The following UBE2J2 variants were observed in gnomAD, a reference collection of about 807,000 sequenced individuals.
The protein encoded by UBE2J2 is ubiquitin conjugating enzyme E2 J2.
A neutral mutation model predicts 28.6 loss-of-function variants in UBE2J2; 5 were observed. The observed-to-expected ratio is 0.17, with a 90% CI of 0.09 to 0.37. The LOEUF is 0.37. UBE2J2 is among the 10% of genes least tolerant of loss of function. The pLI is 1.00. For synonymous variants in UBE2J2, 138 were observed against 139.7 expected, an observed-to-expected ratio of 0.99 and a Z score of 0.09; for missense variants, 226 against 338.9, an observed-to-expected ratio of 0.67 and a Z score of 2.62.
At chr1:1,263,198 C>G (rs188541999) in intron 3 of UBE2J2, 148 bp downstream of exon 3, 3 of 729,082 alleles carry the variant, frequency 4.1e-6, no homozygotes, top group African/African-American at 3.5e-5. Context: ...GAGAAGCAGA[C>G]GAGGAGGAGT....
intron 1 of UBE2J2, chr1:1,273,353 G>A (rs1640261812): frequency 6.6e-6 from 1 of 152,236 alleles, no homozygotes; most frequent in African/African-American, 2.4e-5. Flanking sequence ...CCCCGACACA[G>A]ACTCCCGTGA....
intron 2 of UBE2J2, 22 bp downstream of exon 2, chr1:1,267,840 G>C (rs772093308): frequency 3.9e-5 from 63 of 1,612,472 alleles, no homozygotes; most frequent in Non-Finnish European, 4.9e-5. Context: ...AGCGCAGGGC[G>C]ATCAGTGGCG....
At chr1:1,265,925 G>A (rs1324774948) in intron 2 of UBE2J2, among the ~76,000 whole-genome samples, 1 of 152,110 alleles carries the variant, frequency 6.6e-6, no homozygotes, top group African/African-American at 2.4e-5. Context: ...GAGCCACTGT[G>A]CCTGGACTTC....
At chr1:1,270,762 C>CA (rs1269596803) in intron 1 of UBE2J2, among the ~76,000 whole-genome samples, 8 of 151,596 alleles carry the variant, frequency 5.3e-5, no homozygotes, top group Admixed American at 3.3e-4. Flanking sequence ...CACAGCCAAG[C>CA]AAATAAACAT....
At position 1,254,594 on chromosome 1, in the gene UBE2J2, G is replaced by A. The variant is rs901025655; in HGVS notation, c.*609C>T. ...GAGTGAGCAGGCTCCTGGCTTCCAG[G>A]GCAGCAAAAACCCCCAAGCACTTTC... On this transcript the variant is annotated 3_prime_UTR_variant, in exon 7 of 7. Coordinates refer to ENST00000349431, the MANE Select transcript of UBE2J2 (RefSeq NM_058167.3). 1 of 152,278 alleles carries A rather than the reference G, an allele frequency of 6.6e-6. No homozygotes were observed. The highest frequency in any genetic ancestry group is 6.5e-5 in the Admixed American group (1 of 15,288). The allele number at this position is 152,278 out of a possible 1,614,324, so 9.4% of individuals were successfully genotyped here. A position where few individuals can be genotyped will look rare whatever the true frequency, so the allele number is the denominator to read the frequency against.
chr1:1,256,203 G>C, intron 5 of UBE2J2, 78 bp from the exon 6 acceptor site: 2 of 1,082,324 alleles, frequency 1.8e-6, no homozygotes, highest in Non-Finnish European at 2.8e-6. Flanking sequence ...TGATTTCAAA[G>C]TCAAGGGCTG....
intron 1 of UBE2J2, among the ~76,000 whole-genome samples, chr1:1,271,974 C>CAAAAAAAAAAAAAAAAAAAAA (rs60924258): frequency 1.4e-4 from 4 of 27,614 alleles, no homozygotes; most frequent in East Asian, 2.0e-3. Flanking sequence ...AACTCCGTCT[C>CAAAAAAAAAAAAAAAAAAAAA]AAAAAAAAAA....
intron 1 of UBE2J2, among the ~76,000 whole-genome samples, chr1:1,271,298 A>G (rs1418258256): frequency 3.3e-5 from 5 of 152,234 alleles, no homozygotes; most frequent in Non-Finnish European, 2.9e-5. Flanking sequence ...TGATGACCCC[A>G]AGCAGCACCG....
Position 1,254,933 on chromosome 1 carries a change from C to T in UBE2J2, c.*270G>A. 1 of 396,430 alleles carries T rather than the reference C, an allele frequency of 2.5e-6. No homozygotes were observed. The highest frequency in any genetic ancestry group is 3.8e-5 in the East Asian group (1 of 26,316). 24.6% of individuals were successfully genotyped at this position (396,430 alleles called of 1,614,324 possible). On this transcript the variant is annotated 3_prime_UTR_variant, in exon 7 of 7. Coordinates refer to ENST00000349431, the MANE Select transcript of UBE2J2 (RefSeq NM_058167.3). Reference sequence around the variant, plus strand: ...AAAAACGGGTTTACTAAAACAGGTCCAAAGACAACACGGAAGATAAGCTAC... The same window carrying T: ...AAAAACGGGTTTACTAAAACAGGTCTAAAGACAACACGGAAGATAAGCTAC...
chr1:1,256,401 G>C (rs1639175836), intron 5 of UBE2J2: 1 of 380,630 alleles, frequency 2.6e-6, no homozygotes, highest in African/African-American at 2.1e-5. Flanking sequence ...GGCCGTCTGT[G>C]CAACTGGTAC....
At chr1:1,265,762 G>A (rs1639824945) in intron 2 of UBE2J2, among the ~76,000 whole-genome samples, 1 of 152,026 alleles carries the variant, frequency 6.6e-6, no homozygotes, top group African/African-American at 2.4e-5. Flanking sequence ...CAAGTAGCAA[G>A]TAGCTGAGAT....
Position 1,273,671 on chromosome 1 carries a change from C to T in UBE2J2, c.-6G>A, listed in dbSNP as rs1217492034. The T allele has an allele frequency of 1.3e-5, 2 of 152,312 alleles. No homozygotes were observed. The highest frequency in any genetic ancestry group is 1.9e-4 in the East Asian group (1 of 5,196). The allele number at this position is 152,312 out of a possible 1,614,324, so 9.4% of individuals were successfully genotyped here. A position where few individuals can be genotyped will look rare whatever the true frequency, so the allele number is the denominator to read the frequency against. ...AGGCCTGCGAGCGCGCTCACCTCTC[C>T]CTGTCGCTGCGCGTGGGCCGCCGCC... On this transcript the variant is annotated 5_prime_UTR_variant, in exon 1 of 7. Transcript: ENST00000349431.
At chr1:1,273,191 G>T (rs1465428028) in intron 1 of UBE2J2, 1 of 152,184 alleles carries the variant, frequency 6.6e-6, no homozygotes, top group Non-Finnish European at 1.5e-5. Context: ...CTCGCCGGCC[G>T]GCGGTGGTCT....
At chr1:1,258,333 C>G (rs12070338) in intron 3 of UBE2J2, among the ~76,000 whole-genome samples, 21,747 of 152,018 alleles carry the variant, frequency 0.14, 3,115 homozygotes, top group African/African-American at 0.37. Flanking sequence ...GAGCCACCTC[C>G]CCCAGCCATA....
At chr1:1,273,208 G>A (rs1212032718) in intron 1 of UBE2J2, 1 of 152,114 alleles carries the variant, frequency 6.6e-6, no homozygotes, top group Admixed American at 6.5e-5. Context: ...GTCTCCCACT[G>A]TCACCGCCCG....
intron 6 of UBE2J2, 126 bp downstream of exon 6, chr1:1,255,919 T>G: frequency 1.3e-6 from 1 of 750,858 alleles, no homozygotes; most frequent in East Asian, 2.5e-5. Flanking sequence ...TCGGGGCTCC[T>G]GGGGGAGAGG....
chr1:1,262,274 C>A (rs1447613261), intron 3 of UBE2J2: 1 of 454,334 alleles, frequency 2.2e-6, no homozygotes, highest in African/African-American at 2.0e-5. Flanking sequence ...CTCACCACGG[C>A]CTGCTGGCAT....
intron 2 of UBE2J2, 147 bp downstream of exon 2, chr1:1,267,715 C>T: frequency 6.7e-7 from 1 of 1,501,036 alleles, no homozygotes; most frequent in Non-Finnish European, 8.9e-7. Flanking sequence ...TCCACAGGCC[C>T]CTGGGCACCC....
At chr1:1,262,396 C>G (rs1349820625) in intron 3 of UBE2J2, 2 of 451,436 alleles carry the variant, frequency 4.4e-6, no homozygotes, top group Non-Finnish European at 8.9e-6. Flanking sequence ...GATTCCTGGG[C>G]CAAAGGAGAG....
Sources: allele counts gnomAD v4.1 joint callset (sites outside exome capture counted in the v4.1 genomes callset), GRCh38; gene constraint gnomAD v4.1.1; transcripts MANE v1.5; gene names NCBI Gene and HGNC (gene_info 2026-07-23, HGNC 2026-07-21).